The following VAV2 variants were observed in gnomAD, a reference collection of about 807,000 sequenced individuals.
VAV2 encodes the protein guanine nucleotide exchange factor VAV2.
VAV2 carries 67 observed loss-of-function variants against 132.5 expected under a neutral mutation model. That is an observed-to-expected ratio of 0.51 (90% CI 0.42 to 0.62). The LOEUF is 0.62. Among genes scored for constraint, VAV2 ranks in the 20% least tolerant of loss-of-function variants. The pLI is 0.00. For synonymous variants in VAV2, 492 were observed against 443.5 expected (o/e 1.11, Z -1.37); for missense variants, 938 against 1,153.6 (o/e 0.81, Z 2.71).
intron 17 of VAV2, among the ~76,000 whole-genome samples, chr9:133,785,082 A>G (rs116790140): frequency 0.023 from 3,469 of 152,190 alleles, 119 homozygotes; most frequent in African/African-American, 0.08. Context: ...GGCTGCATCT[A>G]TTCTCACGAG....
chr9:133,859,139 G>A (rs983912319), intron 3 of VAV2, among the ~76,000 whole-genome samples: 36 of 152,320 alleles, frequency 2.4e-4, no homozygotes, highest in African/African-American at 8.7e-4. Context: ...GGGCCTCAAA[G>A]GGCCTCCCCA....
rs1315469789 is a variant in VAV2, at chr9:133,918,283, G to T, written c.321+20820C>A. On this transcript the variant is annotated intron_variant, in intron 2 of 29. Coordinates refer to ENST00000371850, the MANE Select transcript of VAV2 (RefSeq NM_001134398.2). This position sits in a 1 kb window ranked among gnomAD's most constrained non-coding sequence, Gnocchi z 4.7. ...TAAACAAAGGAGCGCACTCTCTGCG[G>T]CGGCAGAAAAGCGAACCAGAGAGCA... Among the ~76,000 whole-genome samples the T allele has an allele frequency of 6.6e-6, 1 of 152,170 alleles. No individual in the cohort carries two copies. The highest frequency in any genetic ancestry group is 1.9e-4 in the East Asian group (1 of 5,188).
intron 2 of VAV2, among the ~76,000 whole-genome samples, chr9:133,896,181 G>A (rs796264894): frequency 5.9e-5 from 9 of 152,322 alleles, no homozygotes; most frequent in African/African-American, 1.7e-4. Context: ...TAGGTCGGGC[G>A]CAGTGGCTTA....
chr9:133,978,230 C>T (rs1417260221), intron 1 of VAV2, among the ~76,000 whole-genome samples: 2 of 152,238 alleles, frequency 1.3e-5, no homozygotes, highest in Non-Finnish European at 2.9e-5. Context: ...GATCTCACTG[C>T]CACCTCCTCC....
In VAV2 at chr9:133,770,429, G is replaced by C. The variant is rs1274679832; in HGVS notation, c.2296C>G (p.Pro766Ala). 6.2e-7 allele frequency: 1 copy of C among 1,614,162 alleles called. No homozygotes were observed. Among genetic ancestry groups the C allele is most frequent in the African/African-American group, 1.3e-5 (1 of 75,062 alleles). Reference protein sequence around the residue: ...FKQLDTTLKYPYKSRERSASR... With the variant: ...FKQLDTTLKYAYKSRERSASR... ...GCCGAACGTTCCCGGGACTTGTAGG[G>C]GTACTTGAGTGTGGTGTCCAGCTGC... Residue 766 changes from proline to alanine, a missense_variant, in exon 27 of 30, where the codon CCC becomes GCC. Pro to Ala is a conservative substitution (Grantham distance 27). Transcript: ENST00000371850.
In VAV2 at chr9:133,928,923, C is replaced by T. The variant is rs1453878147; in HGVS notation, c.321+10180G>A. Among the ~76,000 whole-genome samples the T allele has an allele frequency of 6.6e-6, 1 of 152,152 alleles. No homozygotes were observed. The highest frequency in any genetic ancestry group is 2.1e-4 in the South Asian group (1 of 4,832). On this transcript the variant is annotated intron_variant, in intron 2 of 29. Coordinates refer to ENST00000371850, the MANE Select transcript of VAV2 (RefSeq NM_001134398.2). This position sits in a 1 kb window ranked among gnomAD's most constrained non-coding sequence, Gnocchi z 5.4. The stretch of plus-strand genomic sequence containing the variant: ...CCATCAGATGCACCCCTGCCCACTG[C>T]CAGGGTCATCACCCACGTGCTCAAA...
chr9:133,882,459 G>A (rs936369735), intron 2 of VAV2, among the ~76,000 whole-genome samples: 1 of 152,162 alleles, frequency 6.6e-6, no homozygotes, highest in Non-Finnish European at 1.5e-5. Flanking sequence ...GATCACAGCG[G>A]ATGTCATGAG....
At position 133,861,356 on chromosome 9, in the gene VAV2, G is replaced by A. The variant is rs749344156; in HGVS notation, c.380+18C>T. 1.7e-5 allele frequency: 27 copies of A among 1,605,056 alleles called. No homozygotes were observed. The African/African-American group carries it at 2.0e-4, about 12-fold the overall frequency. On this transcript the variant is annotated intron_variant, in intron 3 of 29. Transcript: ENST00000371850. ...GATGAAAGGACCCGGCCTTGGCAGC[G>A]CACTCCGGAGAGCTCACCTGATCCC...
intron 2 of VAV2, among the ~76,000 whole-genome samples, chr9:133,881,974 C>T (rs1050555990): frequency 3.9e-5 from 6 of 152,116 alleles, no homozygotes; most frequent in African/African-American, 9.7e-5. Context: ...AGCGAGTGTG[C>T]GGGGCTACAA....
intron 1 of VAV2, among the ~76,000 whole-genome samples, chr9:133,962,308 G>C (rs1262028536): frequency 1.3e-5 from 2 of 152,172 alleles, no homozygotes; most frequent in Admixed American, 1.3e-4. Context: ...GCCTGGACTT[G>C]AGCTCCACAC....
chr9:133,892,602 C>T (rs541211638), intron 2 of VAV2, among the ~76,000 whole-genome samples: 146 of 152,242 alleles, frequency 9.6e-4, no homozygotes, highest in South Asian at 3.5e-3. Context: ...CCCGCCTGGC[C>T]GTCCCTCCTG....
intron 25 of VAV2, among the ~76,000 whole-genome samples, chr9:133,774,453 C>A (rs150571051): frequency 6.6e-6 from 1 of 152,304 alleles, no homozygotes; most frequent in East Asian, 1.9e-4. Flanking sequence ...AAGGAGGCGG[C>A]TCCCAGGGAG....
chr9:133,793,036 C>T (rs976852713), intron 12 of VAV2, among the ~76,000 whole-genome samples: 1 of 152,142 alleles, frequency 6.6e-6, no homozygotes, highest in Admixed American at 6.5e-5. Flanking sequence ...AAGCTTCCCC[C>T]TCCCCAGCCT....
At chr9:133,855,630 C>T (rs1361947276) in intron 3 of VAV2, among the ~76,000 whole-genome samples, 2 of 152,194 alleles carry the variant, frequency 1.3e-5, no homozygotes, top group Non-Finnish European at 2.9e-5. Flanking sequence ...TAAAGCCTGC[C>T]ACCCGCCACC....
intron 5 of VAV2, among the ~76,000 whole-genome samples, chr9:133,811,580 G>A (rs546935972): frequency 1.3e-5 from 2 of 152,290 alleles, no homozygotes; most frequent in East Asian, 1.9e-4. Flanking sequence ...AAACCCACGC[G>A]GAGCAAACTG....
intron 4 of VAV2, among the ~76,000 whole-genome samples, chr9:133,815,475 C>T (rs941488242): frequency 6.6e-6 from 1 of 152,122 alleles, no homozygotes; most frequent in Non-Finnish European, 1.5e-5. Context: ...CTTCCCGCCC[C>T]GAGCAACCAC....
chr9:133,930,832 C>T (rs1165750008), intron 2 of VAV2, among the ~76,000 whole-genome samples: 11 of 152,200 alleles, frequency 7.2e-5, no homozygotes, highest in Non-Finnish European at 1.2e-4. Flanking sequence ...GCGTCGCCAG[C>T]TGGCACTTCA....
At chr9:133,838,912 T>C (rs1213179030) in intron 3 of VAV2, among the ~76,000 whole-genome samples, 1 of 120,568 alleles carries the variant, frequency 8.3e-6, no homozygotes, top group Non-Finnish European at 1.7e-5. Context: ...AATGAATGGA[T>C]GTATGGATGG....
Position 133,764,020 on chromosome 9 carries a change from C to T in VAV2, c.*42G>A. Reference sequence around the variant, plus strand: ...GAGACAGACTTCAGGGCTGGAGTGACTCTCCCAAGAAAATCTGCGAGTCTT... The same window carrying T: ...GAGACAGACTTCAGGGCTGGAGTGATTCTCCCAAGAAAATCTGCGAGTCTT... On this transcript the variant is annotated 3_prime_UTR_variant, in exon 30 of 30. Transcript: ENST00000371850. The T allele has an allele frequency of 6.2e-7, 1 of 1,613,060 alleles. No homozygotes were observed. The highest frequency in any genetic ancestry group is 8.5e-7 in the Non-Finnish European group (1 of 1,179,092).
Sources: gnomAD v4.1 joint callset for allele counts (sites outside exome capture counted in the v4.1 genomes callset) on GRCh38, gnomAD v4.1.1 for gene constraint, Gnocchi (gnomAD v3.1) non-coding constraint, MANE v1.5 for transcripts, NCBI Gene and HGNC (gene_info 2026-07-23, HGNC 2026-07-21) for gene names.